ADRA1B: variants seen among roughly 807,000 people sequenced by gnomAD.
ADRA1B encodes the protein alpha-1B adrenergic receptor.
Under a neutral mutation model 17.9 loss-of-function variants are expected in ADRA1B, and 17 were observed. The ratio of observed to expected loss-of-function variants is 0.95; its 90% confidence interval spans 0.65 to 1.42. The LOEUF (loss-of-function observed/expected upper bound fraction) is 1.42, where lower values mean the gene tolerates loss of function less well. Ranked by LOEUF, ADRA1B falls within the 40% of genes most tolerant of loss-of-function variation. ADRA1B has a pLI of 0.00. For missense variants in ADRA1B, 681 were observed against 722.1 expected (o/e 0.94, Z 0.65); for synonymous variants, 366 against 327.6 (o/e 1.12, Z -1.27).
the ADRA1B span, among the ~76,000 whole-genome samples, chr5:159,979,139 A>G: frequency 6.6e-6 from 1 of 151,550 alleles, no homozygotes; most frequent in Admixed American, 6.6e-5. Context: ...CAGCCTGGGC[A>G]ACACAGTAAG....
chr5:159,867,210 A>G (rs1475126492), intron 1 of ADRA1B, among the ~76,000 whole-genome samples: 1 of 152,126 alleles, frequency 6.6e-6, no homozygotes, highest in Non-Finnish European at 1.5e-5. Flanking sequence ...TGAACCCTGA[A>G]TTCTACAGCA....
chr5:159,907,207 A>G (rs1754171669), intron 1 of ADRA1B, among the ~76,000 whole-genome samples: 1 of 152,180 alleles, frequency 6.6e-6, no homozygotes, highest in African/African-American at 2.4e-5. Context: ...ACTGCCTGCC[A>G]CACCCCATTC....
At chr5:159,950,783 CGTT>C in intron 1 of ADRA1B, 1 of 607,720 alleles carries the variant, frequency 1.6e-6, no homozygotes, top group South Asian at 1.8e-5. Flanking sequence ...ATGACTGACA[CGTT>C]GGTGATGTGG....
intron 1 of ADRA1B, among the ~76,000 whole-genome samples, chr5:159,944,652 T>C (rs576041547): frequency 1.4e-3 from 218 of 152,234 alleles, no homozygotes; most frequent in Admixed American, 5.9e-3. Context: ...TGCCAGGCAC[T>C]GTGCTAAGTG....
intron 1 of ADRA1B, among the ~76,000 whole-genome samples, chr5:159,872,515 G>C (rs2113072503): frequency 6.6e-6 from 1 of 152,266 alleles, no homozygotes; most frequent in Admixed American, 6.5e-5. Context: ...TTACAGAAAG[G>C]GACATGGAGC....
chr5:159,946,353 T>C (rs945859321), intron 1 of ADRA1B, among the ~76,000 whole-genome samples: 1 of 152,192 alleles, frequency 6.6e-6, no homozygotes, highest in African/African-American at 2.4e-5. Context: ...TATTGAAGTA[T>C]GACATGCATA....
chr5:159,876,844 C>G (rs1753809605), intron 1 of ADRA1B, among the ~76,000 whole-genome samples: 1 of 152,186 alleles, frequency 6.6e-6, no homozygotes, highest in African/African-American at 2.4e-5. Context: ...GACCAGCTGA[C>G]AGTAAAGTCA....
intron 1 of ADRA1B, among the ~76,000 whole-genome samples, chr5:159,876,071 C>T (rs140040080): frequency 0.016 from 2,492 of 152,124 alleles, 69 homozygotes; most frequent in African/African-American, 0.056. Context: ...TACCTGTAAT[C>T]CCAGCTACTC....
intron 1 of ADRA1B, among the ~76,000 whole-genome samples, chr5:159,875,002 A>G (rs1753787972): frequency 6.6e-6 from 1 of 152,172 alleles, no homozygotes; most frequent in South Asian, 2.1e-4. Context: ...TCTTCACAGC[A>G]CTAATTAAGT....
At chr5:159,896,641 G>A (rs185817692) in intron 1 of ADRA1B, among the ~76,000 whole-genome samples, 2 of 152,318 alleles carry the variant, frequency 1.3e-5, no homozygotes, top group Admixed American at 1.3e-4. Context: ...CATGTGAAGA[G>A]CATATTAGGT....
At chr5:159,876,610 G>T (rs1439104284) in intron 1 of ADRA1B, among the ~76,000 whole-genome samples, 2 of 152,170 alleles carry the variant, frequency 1.3e-5, no homozygotes, top group Non-Finnish European at 2.9e-5. Context: ...GCATACTGCT[G>T]CAGATACAGT....
intron 1 of ADRA1B, among the ~76,000 whole-genome samples, chr5:159,893,928 G>C (rs774703921): frequency 6.6e-6 from 1 of 152,190 alleles, no homozygotes; most frequent in Non-Finnish European, 1.5e-5. Flanking sequence ...GATTGGAAAG[G>C]CCTCTCTGCA....
At chr5:159,926,651 C>T (rs1352864732) in intron 1 of ADRA1B, among the ~76,000 whole-genome samples, 1 of 152,076 alleles carries the variant, frequency 6.6e-6, no homozygotes, top group Non-Finnish European at 1.5e-5. Context: ...CTTTGGGAGG[C>T]CGAGGCGGGC....
intron 1 of ADRA1B, among the ~76,000 whole-genome samples, chr5:159,887,144 C>T (rs1164523690): frequency 1.3e-5 from 2 of 152,136 alleles, no homozygotes; most frequent in African/African-American, 2.4e-5. Context: ...CATGTTTCTT[C>T]CCTCCTAACA....
intron 1 of ADRA1B, among the ~76,000 whole-genome samples, chr5:159,945,897 G>A (rs1441395520): frequency 2.6e-5 from 4 of 152,066 alleles, no homozygotes; most frequent in South Asian, 4.2e-4. Context: ...ACAGGCGCCC[G>A]CCACCATGCC....
chr5:159,977,715 G>A (rs1291980701), downstream of ADRA1B, among the ~76,000 whole-genome samples: 1 of 152,204 alleles, frequency 6.6e-6, no homozygotes, highest in African/African-American at 2.4e-5. Flanking sequence ...AAGTGTCCAA[G>A]CTAATTCACT....
At chr5:159,986,771 C>T in the ADRA1B span, among the ~76,000 whole-genome samples, 363 of 152,302 alleles carry the variant, frequency 2.4e-3, 2 homozygotes, top group African/African-American at 8.3e-3. Context: ...ATCCACTTTA[C>T]GATGGGTTTT....
At chr5:159,962,725 C>A (rs1409597146) in intron 1 of ADRA1B, among the ~76,000 whole-genome samples, 1 of 143,986 alleles carries the variant, frequency 6.9e-6, no homozygotes, top group East Asian at 2.0e-4. Flanking sequence ...GCCTGGAATG[C>A]AGTGATGCGA....
intron 1 of ADRA1B, among the ~76,000 whole-genome samples, chr5:159,896,131 TA>T (rs1233651471): frequency 6.6e-6 from 1 of 152,224 alleles, no homozygotes; most frequent in Non-Finnish European, 1.5e-5. Flanking sequence ...AGAATCTCAG[TA>T]AATATTTGTT....
Sources: gnomAD v4.1 joint callset for allele counts (sites outside exome capture counted in the v4.1 genomes callset) on GRCh38, gnomAD v4.1.1 for gene constraint, MANE v1.5 for transcripts, NCBI Gene and HGNC (gene_info 2026-07-23, HGNC 2026-07-21) for gene names.